Variants in CHD7 observed in about 807,000 individuals in gnomAD.
The protein encoded by CHD7 is ATP-dependent chromatin remodeler CHD7.
Under a neutral mutation model 307.3 loss-of-function variants are expected in CHD7, and 24 were observed. The ratio of observed to expected loss-of-function variants is 0.08; its 90% CI spans 0.06 to 0.11. The LOEUF (loss-of-function observed/expected upper bound fraction) is 0.11, where lower values mean the gene tolerates loss of function less well. CHD7 is among the 10% of genes least tolerant of loss of function. CHD7 has a pLI of 1.00. For missense variants in CHD7, 3,106 were observed against 3,727.1 expected (o/e 0.83, Z 4.34); for synonymous variants, 1,363 against 1,349.9 (o/e 1.01, Z -0.21).
intron 3 of CHD7, among the ~76,000 whole-genome samples, chr8:60,791,741 A>G (rs545169312): frequency 6.6e-6 from 1 of 152,272 alleles, no homozygotes; most frequent in East Asian, 1.9e-4. Flanking sequence ...CTGGGCGGGA[A>G]ATGATATGTG....
At chr8:60,779,187 T>C (rs556028389) in intron 2 of CHD7, among the ~76,000 whole-genome samples, 2 of 152,216 alleles carry the variant, frequency 1.3e-5, no homozygotes, top group Non-Finnish European at 2.9e-5. Flanking sequence ...AAAACCTTCA[T>C]TTTGCAGAAA....
In CHD7 at chr8:60,837,675, C is replaced by G; in HGVS notation, c.4193C>G (p.Ala1398Gly). ...WNPQNDLQAQ[A>G]RCHRIGQSKS... ...ATTTCATTTTTCTTCCAGGCTCAGGCTAGATGTCATAGAATAGGACAGAGC... is the reference window on the plus strand; with the variant it reads ...ATTTCATTTTTCTTCCAGGCTCAGGGTAGATGTCATAGAATAGGACAGAGC... Residue 1398 changes from alanine (A) to glycine (G), a missense_variant, in exon 18 of 38, where the codon GCT (alanine) becomes GGT (glycine). Coordinates refer to ENST00000423902, the MANE Select transcript of CHD7 (RefSeq NM_017780.4). 4.5e-6 allele frequency: 7 copies of G among 1,564,220 alleles called. No homozygotes were observed. The highest frequency in any genetic ancestry group is 6.1e-6 in the Non-Finnish European group (7 of 1,153,350).
intron 1 of CHD7, among the ~76,000 whole-genome samples, chr8:60,740,359 G>A (rs906274264): frequency 6.6e-6 from 1 of 152,170 alleles, no homozygotes; most frequent in African/African-American, 2.4e-5. Flanking sequence ...AGAATAGTTG[G>A]TGTCCACAAA....
chr8:60,807,441 C>T (rs113395110), intron 6 of CHD7, among the ~76,000 whole-genome samples: 85 of 152,260 alleles, frequency 5.6e-4, no homozygotes, highest in African/African-American at 1.9e-3. Context: ...AAAGAGATGC[C>T]TAAAATACCA....
In CHD7 at chr8:60,790,290, C is replaced by G. The variant is rs1297178790; in HGVS notation, c.2097-4696C>G. On this transcript the variant is annotated intron_variant, in intron 3 of 37. Transcript: ENST00000423902. ...AGTGGATGGCTCTACGTCTCTCTAG[C>G]CTCGTGAGTGGATGGCTCTGTGTCT... Among the ~76,000 whole-genome samples, 3 of 152,280 alleles carry G rather than the reference C, an allele frequency of 2.0e-5. No homozygotes were observed. The East Asian group carries it at 5.8e-4, about 29-fold the overall frequency.
intron 1 of CHD7, among the ~76,000 whole-genome samples, chr8:60,689,867 A>T (rs748222762): frequency 6.6e-6 from 1 of 152,210 alleles, no homozygotes; most frequent in Non-Finnish European, 1.5e-5. Context: ...TACAGAATTG[A>T]CTTCCTCAAA....
At chr8:60,817,625 G>A (rs1248009194) in intron 8 of CHD7, among the ~76,000 whole-genome samples, 5 of 152,154 alleles carry the variant, frequency 3.3e-5, no homozygotes, top group Admixed American at 2.0e-4. Flanking sequence ...GGAGTTACTC[G>A]AATGTGACTC....
In CHD7 at chr8:60,858,004, C is replaced by A. The variant is rs188042765; in HGVS notation, c.7608+1116C>A. Among the ~76,000 whole-genome samples the A allele has an allele frequency of 2.6e-5, 4 of 152,188 alleles. No homozygotes were observed. In the South Asian group the frequency reaches 6.2e-4, roughly 24 times the overall value. On this transcript the variant is annotated intron_variant, in intron 34 of 37. Coordinates refer to ENST00000423902, the MANE Select transcript of CHD7 (RefSeq NM_017780.4). Reference sequence around the variant, plus strand: ...GGCATGGTGGCTCACGCCTGTAATCCCAGCACTCTGGGAGGCCAAGGCAGG... The same window carrying A: ...GGCATGGTGGCTCACGCCTGTAATCACAGCACTCTGGGAGGCCAAGGCAGG...
intron 34 of CHD7, among the ~76,000 whole-genome samples, chr8:60,860,097 G>C (rs1408325223): frequency 6.6e-6 from 1 of 152,204 alleles, no homozygotes; most frequent in South Asian, 2.1e-4. Context: ...GTAGACTTCA[G>C]TTAGTGGTGG....
At chr8:60,692,715 A>G (rs770892643) in intron 1 of CHD7, among the ~76,000 whole-genome samples, 1 of 151,952 alleles carries the variant, frequency 6.6e-6, no homozygotes, top group Non-Finnish European at 1.5e-5. Context: ...TCTTCCTGAC[A>G]CTTCAGGTTA....
At chr8:60,858,162 A>G (rs528032280) in intron 34 of CHD7, among the ~76,000 whole-genome samples, 1 of 152,348 alleles carries the variant, frequency 6.6e-6, no homozygotes, top group Non-Finnish European at 1.5e-5. Flanking sequence ...ATGCTGAGGC[A>G]GGAGAATTGC....
intron 2 of CHD7, among the ~76,000 whole-genome samples, chr8:60,769,483 C>T (rs1049651850): frequency 1.4e-4 from 21 of 152,030 alleles, no homozygotes; most frequent in African/African-American, 5.1e-4. Flanking sequence ...GTACCTCTGC[C>T]CTTATAGTTA....
chr8:60,791,926 G>C (rs1393143003), intron 3 of CHD7, among the ~76,000 whole-genome samples: 3 of 152,210 alleles, frequency 2.0e-5, no homozygotes, highest in Non-Finnish European at 4.4e-5. Context: ...CTCTGCAGTT[G>C]AATCGGCCCA....
chr8:60,822,920 C>T (rs752726582), intron 12 of CHD7, among the ~76,000 whole-genome samples, 174 bp downstream of exon 12: 1 of 152,154 alleles, frequency 6.6e-6, no homozygotes, highest in Non-Finnish European at 1.5e-5. Context: ...ATGAAAACAG[C>T]TCTTCATTTT....
chr8:60,857,201 A>T (rs1805757448), intron 34 of CHD7, among the ~76,000 whole-genome samples: 5 of 152,230 alleles, frequency 3.3e-5, no homozygotes. Flanking sequence ...TTGAGGTGGA[A>T]CAAGTTTCAT....
chr8:60,829,146 G>A (rs1274647481), intron 14 of CHD7, among the ~76,000 whole-genome samples: 4 of 152,184 alleles, frequency 2.6e-5, no homozygotes, highest in African/African-American at 9.7e-5. Flanking sequence ...GACGTTGGTA[G>A]GCCTGTTTGC....
At chr8:60,695,171 A>G (rs1806408168) in intron 1 of CHD7, among the ~76,000 whole-genome samples, 1 of 152,214 alleles carries the variant, frequency 6.6e-6, no homozygotes, top group Admixed American at 6.5e-5. Flanking sequence ...TTTGATCCAA[A>G]ATAGAAAACA....
At chr8:60,686,999 T>G (rs1805935584) in intron 1 of CHD7, among the ~76,000 whole-genome samples, 1 of 152,250 alleles carries the variant, frequency 6.6e-6, no homozygotes, top group Non-Finnish European at 1.5e-5. Context: ...CAGGCTGGAT[T>G]CTAATTCCTG....
chr8:60,864,949 G>T, intron 37 of CHD7, 67 bp from the exon 38 acceptor site: 2 of 1,450,214 alleles, frequency 1.4e-6, no homozygotes, highest in Non-Finnish European at 1.9e-6. Flanking sequence ...CACCACAGAG[G>T]CTCACATTGA....
Sources: allele counts gnomAD v4.1 joint callset (sites outside exome capture counted in the v4.1 genomes callset), GRCh38; gene constraint gnomAD v4.1.1; transcripts MANE v1.5; gene names NCBI Gene and HGNC (gene_info 2026-07-23, HGNC 2026-07-21).